ASCC1: variants seen among roughly 807,000 people sequenced by gnomAD.
ASCC1 encodes ASC-1 complex subunit P50.
In ASCC1, 35 loss-of-function variants were observed where a neutral mutation model predicts 46.6. The ratio of observed to expected loss-of-function variants is 0.75; its 90% CI spans 0.57 to 0.99. The LOEUF (loss-of-function observed/expected upper bound fraction) is 0.99. Ranked by LOEUF, ASCC1 falls within the 50% of genes least tolerant of loss-of-function variation. The pLI is 0.00. For synonymous variants in ASCC1, 143 were observed against 146.6 expected (o/e 0.98, Z 0.18); for missense variants, 376 against 428.7 (o/e 0.88, Z 1.09).
Position 72,096,192 on chromosome 10 carries a change from G to C in ASCC1, c.*1142C>G, listed in dbSNP as rs1224338605. 3 of 454,034 alleles carry C rather than the reference G, an allele frequency of 6.6e-6. No individual in the cohort carries two copies. The highest frequency in any genetic ancestry group is 6.0e-5 in the African/African-American group (3 of 49,994). 28.1% of individuals were successfully genotyped at this position (454,034 alleles called of 1,614,324 possible). A position where few individuals can be genotyped will look rare whatever the true frequency, so the allele number is the denominator to read the frequency against. The stretch of plus-strand genomic sequence containing the variant: ...TCAAGGCAAGAATAAGGAAGGAGAA[G>C]AAGGAGAGGACATGGAGGGAGGAAG... On this transcript the variant is annotated 3_prime_UTR_variant, in exon 10 of 10. Transcript: ENST00000672957.
In ASCC1 at chr10:72,203,646, T is replaced by C. The variant is rs1487643755; in HGVS notation, c.213-122A>G. Reference sequence around the variant, plus strand: ...TACAGAAAAGTAGTTCAGTAAAAGCTCAATATTTGCGGAAGAAATTACAAG... The same window carrying C: ...TACAGAAAAGTAGTTCAGTAAAAGCCCAATATTTGCGGAAGAAATTACAAG... On this transcript the variant is annotated intron_variant, in intron 3 of 9. Transcript: ENST00000672957. The C allele has an allele frequency of 6.5e-6, 5 of 764,270 alleles. No individual in the cohort carries two copies. The Admixed American group carries it at 8.5e-5, about 13-fold the overall frequency. The allele number at this position is 764,270 out of a possible 1,614,324, so 47.3% of individuals were successfully genotyped here.
rs3780947 is a variant in ASCC1, at chr10:72,125,232, T to C, written c.957+2850A>G. ...CTTTCTTGTTTTGTTTCTCTTTGAATAGTAGATGAAGTTGATTTTTTTTTT... is the reference window on the plus strand; with the variant it reads ...CTTTCTTGTTTTGTTTCTCTTTGAACAGTAGATGAAGTTGATTTTTTTTTT... On this transcript the variant is annotated intron_variant, in intron 9 of 9. Coordinates refer to ENST00000672957, the MANE Select transcript of ASCC1 (RefSeq NM_001198800.3). 1.1e-4 allele frequency among the ~76,000 whole-genome samples: 17 copies of C among 152,158 alleles called. No individual in the cohort carries two copies. The East Asian group carries it at 3.3e-3, about 29-fold the overall frequency.
chr10:72,109,899 C>T (rs1319953830), intron 9 of ASCC1, among the ~76,000 whole-genome samples: 1 of 152,236 alleles, frequency 6.6e-6, no homozygotes, highest in Non-Finnish European at 1.5e-5. Context: ...TAGGCACACT[C>T]CGCCCGTTTC....
chr10:72,142,624 C>T (rs1847159365), intron 7 of ASCC1, among the ~76,000 whole-genome samples: 1 of 152,142 alleles, frequency 6.6e-6, no homozygotes, highest in East Asian at 1.9e-4. Context: ...GCCTCAGCCT[C>T]CCAAAGTGCT....
At chr10:72,197,908 A>AATAAATAAATAAATAT (rs1855708807) in intron 4 of ASCC1, among the ~76,000 whole-genome samples, 2 of 145,488 alleles carry the variant, frequency 1.4e-5, no homozygotes, top group African/African-American at 5.2e-5. Flanking sequence ...CCTGTCTCAA[A>AATAAATAAATAAATAT]ATAAATAAAT....
At chr10:72,112,602 C>G (rs972144384) in intron 9 of ASCC1, among the ~76,000 whole-genome samples, 1 of 152,096 alleles carries the variant, frequency 6.6e-6, no homozygotes, top group African/African-American at 2.4e-5. Flanking sequence ...AAAACAACGG[C>G]CGGGTGCAGT....
rs186159830 is a variant in ASCC1 at position 72,149,265 on chromosome 10, T to C, written c.746+3604A>G. Among the ~76,000 whole-genome samples the C allele has an allele frequency of 5.8e-3, 874 of 151,942 alleles. 9 individuals carry two copies. Among genetic ancestry groups the C allele is most frequent in the African/African-American group, 0.017 (720 of 41,498 alleles). ...CATCCTGGCTGACACGGTGAAACCC[T>C]GTCTCTACTAAAAATACAAAAAATT... On this transcript the variant is annotated intron_variant, in intron 7 of 9. Coordinates refer to ENST00000672957, the MANE Select transcript of ASCC1 (RefSeq NM_001198800.3).
chr10:72,198,402 G>A, intron 4 of ASCC1: 1 of 303,794 alleles, frequency 3.3e-6, no homozygotes, highest in South Asian at 2.4e-5. Context: ...GGAAGGGAAG[G>A]GAAGGAAGGA....
chr10:72,157,822 T>C (rs1008574974), intron 6 of ASCC1, among the ~76,000 whole-genome samples: 10 of 152,216 alleles, frequency 6.6e-5, no homozygotes, highest in Admixed American at 6.5e-4. Flanking sequence ...ACAAGAACTA[T>C]ACTAAGTGGT....
intron 6 of ASCC1, among the ~76,000 whole-genome samples, chr10:72,160,987 G>A (rs990017293): frequency 5.3e-5 from 8 of 151,940 alleles, no homozygotes; most frequent in Non-Finnish European, 5.9e-5. Context: ...GGAGGCTGAG[G>A]CAGGAGAATG....
intron 4 of ASCC1, 104 bp downstream of exon 4, chr10:72,203,323 A>G (rs985370248): frequency 6.7e-6 from 6 of 894,034 alleles, no homozygotes; most frequent in African/African-American, 5.0e-5. Context: ...GCCCATAGCT[A>G]GAACCCCACA....
At chr10:72,099,990 T>A (rs565950350) in intron 9 of ASCC1, among the ~76,000 whole-genome samples, 1 of 152,340 alleles carries the variant, frequency 6.6e-6, no homozygotes, top group Non-Finnish European at 1.5e-5. Context: ...ATGATGTTTT[T>A]AAATATCTCT....
At chr10:72,174,676 A>T (rs947122701) in intron 5 of ASCC1, among the ~76,000 whole-genome samples, 1 of 152,226 alleles carries the variant, frequency 6.6e-6, no homozygotes, top group Non-Finnish European at 1.5e-5. Flanking sequence ...TCATATTCAC[A>T]TATATCATCT....
At chr10:72,196,435 C>T (rs1855438525) in intron 5 of ASCC1, among the ~76,000 whole-genome samples, 1 of 152,006 alleles carries the variant, frequency 6.6e-6, no homozygotes, top group South Asian at 2.1e-4. Flanking sequence ...CATGCCACCT[C>T]ACCCAGCTAA....
chr10:72,209,276 G>A (rs573468060), intron 3 of ASCC1, among the ~76,000 whole-genome samples: 22 of 152,172 alleles, frequency 1.4e-4, no homozygotes, highest in Admixed American at 8.5e-4. Context: ...TTTTGTCCAG[G>A]AGTTCAAGAC....
chr10:72,120,592 C>CAAA (rs756385458), intron 9 of ASCC1, among the ~76,000 whole-genome samples: 4 of 92,142 alleles, frequency 4.3e-5, no homozygotes, highest in African/African-American at 8.2e-5. Context: ...GAATAAAGAC[C>CAAA]AAAAAAAAAA....
In ASCC1 at chr10:72,128,039, ACAT is replaced by A. The variant is rs551497261; in HGVS notation, c.957+40_957+42del. 693 of 1,431,028 alleles carry A rather than the reference ACAT, an allele frequency of 4.8e-4. 5 individuals carry two copies. The African/African-American group carries it at 8.4e-3, about 17-fold the overall frequency. The allele number at this position is 1,431,028 out of a possible 1,614,324, so 88.6% of individuals were successfully genotyped here. On this transcript the variant is annotated intron_variant, in intron 9 of 9. Coordinates refer to ENST00000672957, the MANE Select transcript of ASCC1 (RefSeq NM_001198800.3). ...TACTTGTTTTCCTGCCTTATTTAGG[ACAT>A]GTGCCAAAGGATTTCCAATTCACTC...
chr10:72,161,038 G>A (rs919530251), intron 6 of ASCC1, among the ~76,000 whole-genome samples: 1 of 151,918 alleles, frequency 6.6e-6, no homozygotes, highest in South Asian at 2.1e-4. Context: ...AGCCGAGATT[G>A]CGCCACTGCA....
At chr10:72,181,543 T>G (rs756533333) in intron 5 of ASCC1, among the ~76,000 whole-genome samples, 2 of 152,094 alleles carry the variant, frequency 1.3e-5, no homozygotes, top group Non-Finnish European at 2.9e-5. Flanking sequence ...ACAAAAATTT[T>G]GAACAATAAA....
Sources: allele counts gnomAD v4.1 joint callset (sites outside exome capture counted in the v4.1 genomes callset), GRCh38; gene constraint gnomAD v4.1.1; transcripts MANE v1.5; gene names NCBI Gene and HGNC (gene_info 2026-07-23, HGNC 2026-07-21).